SATB2: variants seen among roughly 807,000 people sequenced by gnomAD.
SATB2 encodes the protein DNA-binding protein SATB2.
SATB2 carries 1 observed loss-of-function variant against 73.4 expected under a neutral mutation model. The ratio of observed to expected loss-of-function variants is 0.01; its 90% CI spans 0.00 to 0.06. The LOEUF (loss-of-function observed/expected upper bound fraction) is 0.06. Among genes scored for constraint, SATB2 ranks in the 10% least tolerant of loss-of-function variants. SATB2 has a pLI of 1.00. For missense variants in SATB2, 459 were observed against 945.8 expected, an observed-to-expected ratio of 0.49 and a Z score of 6.75; for synonymous variants, 397 against 367.0, an observed-to-expected ratio of 1.08 and a Z score of -0.93.
intron 6 of SATB2, among the ~76,000 whole-genome samples, chr2:199,363,032 T>C (rs532206438): frequency 1.3e-5 from 2 of 152,198 alleles, no homozygotes; most frequent in Admixed American, 1.3e-4. Flanking sequence ...CTTTAAACAT[T>C]TATGAATAAG....
intron 5 of SATB2, among the ~76,000 whole-genome samples, chr2:199,375,912 C>A (rs894342248): frequency 1.3e-5 from 2 of 152,220 alleles, no homozygotes; most frequent in African/African-American, 4.8e-5. Context: ...TGTTGAATTA[C>A]TGTTTCACCT....
At chr2:199,324,894 G>A (rs1304790842) in intron 8 of SATB2, among the ~76,000 whole-genome samples, 2 of 152,062 alleles carry the variant, frequency 1.3e-5, no homozygotes, top group Non-Finnish European at 2.9e-5. Context: ...GCCTAACCTG[G>A]GTTTTTTCTC....
chr2:199,417,124 T>C (rs1287758789), intron 3 of SATB2, among the ~76,000 whole-genome samples: 1 of 151,366 alleles, frequency 6.6e-6, no homozygotes, highest in Non-Finnish European at 1.5e-5. Flanking sequence ...AGGTGTGCTG[T>C]GCGCTTAAAT....
chr2:199,292,390 C>T (rs1692894574), intron 10 of SATB2, among the ~76,000 whole-genome samples: 1 of 152,200 alleles, frequency 6.6e-6, no homozygotes, highest in South Asian at 2.1e-4. Context: ...TGCTTACTCT[C>T]CCCGAATCTG....
chr2:199,353,344 G>A (rs937649956), intron 6 of SATB2, among the ~76,000 whole-genome samples: 38 of 151,570 alleles, frequency 2.5e-4, no homozygotes, highest in African/African-American at 8.5e-4. Context: ...TAGTAGAAAC[G>A]GGGTTTCACC....
In SATB2 at chr2:199,433,366, A is replaced by G. The variant is rs1330378388; in HGVS notation, c.318T>C (p.Tyr106=). The G allele has an allele frequency of 1.2e-6, 2 of 1,614,120 alleles. No homozygotes were observed. The highest frequency in any genetic ancestry group is 1.7e-6 in the Non-Finnish European group (2 of 1,179,998). The change falls in exon 3 of 11, where the codon TAT becomes TAC. Residue 106 remains tyrosine (Y), a synonymous_variant. Coordinates refer to ENST00000417098, the MANE Select transcript of SATB2 (RefSeq NM_001172509.2). The stretch of plus-strand genomic sequence containing the variant: ...GGGCCTGGGCCGCAGAGCTGTGAGA[A>G]TACCCCAGGGCCAGGAGCGCAGTCT... ...LVETALLALG[Y]SHSSAAQAQG...
At chr2:199,398,985 T>C (rs1199569043) in intron 3 of SATB2, among the ~76,000 whole-genome samples, 1 of 152,120 alleles carries the variant, frequency 6.6e-6, no homozygotes, top group Non-Finnish European at 1.5e-5. Flanking sequence ...ACAGGTAAGA[T>C]TTAGGCTGGG....
intron 7 of SATB2, among the ~76,000 whole-genome samples, chr2:199,339,729 C>A (rs774145510): frequency 8.6e-5 from 13 of 152,032 alleles, no homozygotes; most frequent in Non-Finnish European, 1.5e-4. Context: ...ATTCTGAATA[C>A]CTTAAAGGTC....
intron 3 of SATB2, among the ~76,000 whole-genome samples, chr2:199,394,571 T>C (rs539735570): frequency 1.2e-4 from 18 of 152,086 alleles, no homozygotes; most frequent in African/African-American, 2.2e-4. Flanking sequence ...GGTGGGAGAA[T>C]TGCTTGAGCC....
chr2:199,332,817 A>G (rs1688226216), intron 7 of SATB2, among the ~76,000 whole-genome samples: 1 of 152,142 alleles, frequency 6.6e-6, no homozygotes, highest in African/African-American at 2.4e-5. Flanking sequence ...GACTGGCTCT[A>G]TAAAATCTAC....
chr2:199,421,469 C>T (rs1030555748), intron 3 of SATB2, among the ~76,000 whole-genome samples: 1 of 152,102 alleles, frequency 6.6e-6, no homozygotes, highest in Admixed American at 6.6e-5. Flanking sequence ...CAGAGTTTCC[C>T]CCAAAGACTC....
In SATB2 at chr2:199,456,158, C is replaced by G. The variant is rs1343164402; in HGVS notation, c.-59-62G>C. Reference sequence around the variant, plus strand: ...AAAAAGAGGGAAAACCGCTCATACACGTGATAGACGTTCAGGCCAGTGGCA... The same window carrying G: ...AAAAAGAGGGAAAACCGCTCATACAGGTGATAGACGTTCAGGCCAGTGGCA... On this transcript the variant is annotated intron_variant, in intron 1 of 10. Coordinates refer to ENST00000417098, the MANE Select transcript of SATB2 (RefSeq NM_001172509.2). The G allele has an allele frequency of 3.2e-6, 3 of 935,676 alleles. No homozygotes were observed. The East Asian group carries it at 7.9e-5, about 25-fold the overall frequency. 58.0% of individuals were successfully genotyped at this position (935,676 alleles called of 1,614,324 possible).
intron 10 of SATB2, among the ~76,000 whole-genome samples, chr2:199,291,880 C>T (rs1692873836): frequency 6.6e-6 from 1 of 151,700 alleles, no homozygotes; most frequent in Non-Finnish European, 1.5e-5. Context: ...CACTGCACTC[C>T]AGCCTGGGGG....
At chr2:199,381,908 A>G (rs1689790830) in intron 3 of SATB2, 88 bp from the exon 4 acceptor site, 1 of 1,434,848 alleles carries the variant, frequency 7.0e-7, no homozygotes, top group African/African-American at 1.4e-5. Context: ...AGGTCATTCA[A>G]TCATCAACAT....
chr2:199,323,221 A>C (rs528452703), intron 9 of SATB2, among the ~76,000 whole-genome samples: 10 of 152,200 alleles, frequency 6.6e-5, no homozygotes, highest in African/African-American at 2.4e-4. Context: ...TTACTGGATA[A>C]GCTTCTGTGT....
At position 199,455,594 on chromosome 2, in the gene SATB2, A is replaced by G. The variant is rs1692248766; in HGVS notation, c.169+275T>C. ...AAAAGCTCTCTAGGAAAATCTAGAA[A>G]CAGTTAGCTGGCTGTGACATAAACC... On this transcript the variant is annotated intron_variant, in intron 2 of 10. Coordinates refer to ENST00000417098, the MANE Select transcript of SATB2 (RefSeq NM_001172509.2). This position sits in a 1 kb window ranked among gnomAD's most constrained non-coding sequence, Gnocchi z 4.1. Among the ~76,000 whole-genome samples, 1 of 152,234 alleles carries G rather than the reference A, an allele frequency of 6.6e-6. No homozygotes were observed. Among genetic ancestry groups the G allele is most frequent in the South Asian group, 2.1e-4 (1 of 4,834 alleles).
chr2:199,384,155 G>A (rs914269703), intron 3 of SATB2, among the ~76,000 whole-genome samples: 3 of 152,122 alleles, frequency 2.0e-5, no homozygotes, highest in East Asian at 1.9e-4. Flanking sequence ...TTGATGAGCC[G>A]GAAGAAGACT....
chr2:199,338,962 A>G (rs13020277), intron 7 of SATB2, among the ~76,000 whole-genome samples: 2 of 151,394 alleles, frequency 1.3e-5, no homozygotes. Flanking sequence ...ACAGACCAGT[A>G]TGTCATCATG....
At chr2:199,311,190 T>C (rs1436081561) in intron 9 of SATB2, among the ~76,000 whole-genome samples, 2 of 152,178 alleles carry the variant, frequency 1.3e-5, no homozygotes, top group Non-Finnish European at 2.9e-5. Context: ...ACCCTGTTCT[T>C]AAGGCACCAG....
Sources: gnomAD v4.1 joint callset for allele counts (sites outside exome capture counted in the v4.1 genomes callset) on GRCh38, gnomAD v4.1.1 for gene constraint, Gnocchi (gnomAD v3.1) non-coding constraint, MANE v1.5 for transcripts, NCBI Gene and HGNC (gene_info 2026-07-23, HGNC 2026-07-21) for gene names.